The following FMN1 variants were observed in gnomAD, a reference collection of about 807,000 sequenced individuals.
FMN1 encodes the protein formin 1.
FMN1 carries 110 observed loss-of-function variants against 132.4 expected under a neutral mutation model. The ratio of observed to expected loss-of-function variants is 0.83; its 90% CI spans 0.71 to 0.97. The LOEUF (loss-of-function observed/expected upper bound fraction) is 0.97. Ranked by LOEUF, FMN1 falls within the 50% of genes least tolerant of loss-of-function variation. The pLI, the probability that FMN1 is intolerant of heterozygous loss-of-function variation, is 0.00. For synonymous variants in FMN1, 722 were observed against 651.7 expected, an observed-to-expected ratio of 1.11 and a Z score of -1.64; for missense variants, 1,792 against 1,705.3, an observed-to-expected ratio of 1.05 and a Z score of -0.90.
At chr15:32,938,407 T>G (rs1330564467) in intron 9 of FMN1, among the ~76,000 whole-genome samples, 2 of 152,138 alleles carry the variant, frequency 1.3e-5, no homozygotes, top group East Asian at 3.9e-4. Context: ...CACACTCCCG[T>G]AATCCCAGCT....
chr15:32,922,099 C>G (rs1164967517), intron 10 of FMN1, among the ~76,000 whole-genome samples: 2 of 152,124 alleles, frequency 1.3e-5, no homozygotes, highest in East Asian at 3.9e-4. Context: ...GCCAATTCTA[C>G]TATAATGTTG....
At chr15:32,932,498 G>A (rs347955) in intron 9 of FMN1, among the ~76,000 whole-genome samples, 2,809 of 152,268 alleles carry the variant, frequency 0.018, 79 homozygotes, top group African/African-American at 0.064. Context: ...TGGTATCAGA[G>A]TAATGCTGTT....
Position 33,005,998 on chromosome 15 carries a change from G to GGAT in FMN1, c.2223+2013_2223+2015dup, listed in dbSNP as rs1159753543. Among the ~76,000 whole-genome samples, 4 of 152,192 alleles carry GGAT rather than the reference G, an allele frequency of 2.6e-5. No homozygotes were observed. The East Asian group carries it at 7.7e-4, about 29-fold the overall frequency. On this transcript the variant is annotated intron_variant, in intron 7 of 20. Transcript: ENST00000616417. ...TCTCCCTAACTATTTAAACTCTGCT[G>GGAT]GATGGGTAGGGCTTGAATTCATACA...
intron 4 of FMN1, among the ~76,000 whole-genome samples, chr15:33,100,009 G>C (rs1403047771): frequency 1.3e-5 from 2 of 152,066 alleles, no homozygotes; most frequent in Non-Finnish European, 2.9e-5. Flanking sequence ...CTTTGGGCTT[G>C]GTGGGTTTGG....
chr15:33,057,954 G>A (rs992124881), intron 6 of FMN1, among the ~76,000 whole-genome samples: 6 of 116,006 alleles, frequency 5.2e-5, no homozygotes, highest in African/African-American at 7.7e-5. Context: ...CAGACTGAGC[G>A]GAAGGAACTA....
intron 4 of FMN1, among the ~76,000 whole-genome samples, chr15:33,107,749 C>T (rs1162964439): frequency 1.3e-5 from 2 of 152,064 alleles, no homozygotes; most frequent in Non-Finnish European, 2.9e-5. Context: ...CTTATCATTA[C>T]CTGAAACTAA....
chr15:32,957,706 T>A lies in FMN1; in HGVS notation c.3138+6401A>T, dbSNP rs367813852. ...TCACATTAGTTCATAAACTAAGAGA[T>A]TAATGCAAAGAATACTTAACGTACT... On this transcript the variant is annotated intron_variant, in intron 9 of 20. Transcript: ENST00000616417. Among the ~76,000 whole-genome samples the A allele has an allele frequency of 2.6e-5, 4 of 152,216 alleles. No individual in the cohort carries two copies. The South Asian group carries it at 6.2e-4, about 24-fold the overall frequency.
chr15:33,109,217 G>A (rs915568995), intron 4 of FMN1, among the ~76,000 whole-genome samples: 1 of 152,030 alleles, frequency 6.6e-6, no homozygotes, highest in African/African-American at 2.4e-5. Flanking sequence ...GTTCTAAAAT[G>A]CAAGTAAGGT....
intron 7 of FMN1, among the ~76,000 whole-genome samples, chr15:32,988,411 T>C (rs370320031): frequency 1.3e-5 from 2 of 152,174 alleles, no homozygotes; most frequent in African/African-American, 4.8e-5. Context: ...AACAGAAGCG[T>C]GTTTGAGTTT....
At chr15:33,092,341 G>C (rs1246888305) in intron 4 of FMN1, among the ~76,000 whole-genome samples, 2 of 152,166 alleles carry the variant, frequency 1.3e-5, no homozygotes, top group African/African-American at 4.8e-5. Flanking sequence ...AGTCTGTCTA[G>C]CAGGGGTACA....
At chr15:33,030,246 A>T (rs2035873194) in intron 6 of FMN1, among the ~76,000 whole-genome samples, 1 of 152,246 alleles carries the variant, frequency 6.6e-6, no homozygotes, top group African/African-American at 2.4e-5. Context: ...ACTGAAATGG[A>T]AAAGAATCAC....
chr15:33,172,563 C>A (rs1485015999), intron 3 of FMN1, among the ~76,000 whole-genome samples: 1 of 152,186 alleles, frequency 6.6e-6, no homozygotes, highest in Non-Finnish European at 1.5e-5. Flanking sequence ...GATACTGACA[C>A]TGGTTATGTG....
chr15:33,034,558 CAG>C (rs1212930082), intron 6 of FMN1, among the ~76,000 whole-genome samples: 1 of 152,158 alleles, frequency 6.6e-6, no homozygotes, highest in Non-Finnish European at 1.5e-5. Flanking sequence ...GCCTGGGCAA[CAG>C]AGAGAGACCT....
chr15:32,889,341 T>A (rs2059970294), intron 15 of FMN1, among the ~76,000 whole-genome samples: 1 of 152,198 alleles, frequency 6.6e-6, no homozygotes, highest in South Asian at 2.1e-4. Context: ...AAGCTTTGTA[T>A]CTTGCATGTC....
chr15:32,905,640 G>T (rs1168547581), intron 12 of FMN1, among the ~76,000 whole-genome samples: 1 of 152,186 alleles, frequency 6.6e-6, no homozygotes, highest in African/African-American at 2.4e-5. Flanking sequence ...TAAGAGAGTT[G>T]ATGAGGTGAG....
Position 33,145,578 on chromosome 15 carries a change from G to C in FMN1, c.1867+7470C>G, listed in dbSNP as rs188376146. Among the ~76,000 whole-genome samples the C allele has an allele frequency of 2.0e-3, 303 of 151,800 alleles. 1 individual carries two copies. The highest frequency in any genetic ancestry group is 7.1e-3 in the African/African-American group (293 of 41,384). ...AGAAAATCTGGAGAACATACGTCAT[G>C]CTATTTTCAGTGTTGTCCCTCCCCG... On this transcript the variant is annotated intron_variant, in intron 4 of 20. Coordinates refer to ENST00000616417, the MANE Select transcript of FMN1 (RefSeq NM_001277313.2).
intron 6 of FMN1, among the ~76,000 whole-genome samples, chr15:33,017,007 T>TTG (rs2035088665): frequency 6.6e-6 from 1 of 152,202 alleles, no homozygotes; most frequent in Admixed American, 6.5e-5. Context: ...TTTCATGCCC[T>TTG]TGTGTGTGTG....
At chr15:33,115,183 T>C (rs1347716521) in intron 4 of FMN1, among the ~76,000 whole-genome samples, 1 of 152,118 alleles carries the variant, frequency 6.6e-6, no homozygotes, top group African/African-American at 2.4e-5. Context: ...AATAAATTCT[T>C]AGAATTTAAG....
intron 17 of FMN1, among the ~76,000 whole-genome samples, chr15:32,854,354 T>C (rs1198659344): frequency 1.3e-5 from 2 of 152,232 alleles, no homozygotes; most frequent in Non-Finnish European, 2.9e-5. Context: ...AGTTAAGTAA[T>C]GAAATAATTG....
Sources: gnomAD v4.1 joint callset for allele counts (sites outside exome capture counted in the v4.1 genomes callset) on GRCh38, gnomAD v4.1.1 for gene constraint, MANE v1.5 for transcripts, NCBI Gene and HGNC (gene_info 2026-07-23, HGNC 2026-07-21) for gene names.